Variants in TCF4 observed in about 807,000 individuals in gnomAD.
TCF4 encodes SL3-3 enhancer factor 2.
TCF4 carries 3 observed loss-of-function variants against 82.1 expected under a neutral mutation model. The observed-to-expected ratio is 0.04, with a 90% CI of 0.02 to 0.09. The LOEUF is 0.09. TCF4 is among the 10% of genes least tolerant of loss of function. The pLI is 1.00. For missense variants in TCF4, 518 were observed against 852.7 expected (o/e 0.61, Z 4.89); for synonymous variants, 276 against 309.6 (o/e 0.89, Z 1.14).
At chr18:55,562,396 T>C (rs1402556461) in intron 3 of TCF4, among the ~76,000 whole-genome samples, 6 of 152,256 alleles carry the variant, frequency 3.9e-5, no homozygotes, top group African/African-American at 1.4e-4. Context: ...AATATTAGCA[T>C]GAGGCTTTTT....
At chr18:55,470,222 C>T (rs1282703446) in intron 3 of TCF4, among the ~76,000 whole-genome samples, 3 of 152,182 alleles carry the variant, frequency 2.0e-5, no homozygotes, top group African/African-American at 4.8e-5. Context: ...AAATATCTAC[C>T]ATAGTCACCA....
chr18:55,242,745 G>C (rs1194943769), intron 15 of TCF4, among the ~76,000 whole-genome samples: 1 of 152,102 alleles, frequency 6.6e-6, no homozygotes, highest in African/African-American at 2.4e-5. Context: ...CAGTAGCTGG[G>C]ATTACAGGCG....
chr18:55,576,048 T>A (rs1190195123), intron 3 of TCF4, among the ~76,000 whole-genome samples: 1 of 152,172 alleles, frequency 6.6e-6, no homozygotes, highest in Non-Finnish European at 1.5e-5. Context: ...AATCTTAAAA[T>A]GTTTTAAATA....
intron 5 of TCF4, among the ~76,000 whole-genome samples, chr18:55,432,052 A>G (rs1263672250): frequency 2.0e-5 from 3 of 152,218 alleles, no homozygotes. Flanking sequence ...CTGTAATCCC[A>G]GCACTTTGGG....
intron 6 of TCF4, among the ~76,000 whole-genome samples, chr18:55,395,603 T>C (rs1208660037): frequency 6.6e-6 from 1 of 152,230 alleles, no homozygotes; most frequent in Non-Finnish European, 1.5e-5. Flanking sequence ...AATGCCATAA[T>C]CGAAAAATTA....
intron 3 of TCF4, among the ~76,000 whole-genome samples, chr18:55,530,167 C>A (rs1603619389): frequency 6.6e-6 from 1 of 152,172 alleles, no homozygotes; most frequent in Non-Finnish European, 1.5e-5. Context: ...AATTGAACGG[C>A]AATTGTGGAT....
At chr18:55,437,427 C>T (rs903106857) in intron 5 of TCF4, among the ~76,000 whole-genome samples, 9 of 151,966 alleles carry the variant, frequency 5.9e-5, no homozygotes, top group East Asian at 1.9e-4. Context: ...GAAATATGCA[C>T]GATTTTAACA....
chr18:55,368,720 G>T (rs558198131), intron 6 of TCF4, among the ~76,000 whole-genome samples: 1 of 152,224 alleles, frequency 6.6e-6, no homozygotes, highest in South Asian at 2.1e-4. Flanking sequence ...ACAGGAAAAT[G>T]GACCCAGTTT....
In TCF4 at chr18:55,634,055, G is replaced by C. The variant is rs1165519385; in HGVS notation, c.195+1648C>G. Among the ~76,000 whole-genome samples the C allele has an allele frequency of 2.0e-5, 3 of 152,298 alleles. No homozygotes were observed. In the East Asian group the frequency reaches 5.8e-4, roughly 29 times the overall value. On this transcript the variant is annotated intron_variant, in intron 1 of 20. Coordinates refer to the TCF4 transcript ENST00000398339. ...AGGCCAAGGCGGGCGGGTCACCTGA[G>C]GTCAGGAGTTCAAGACCAGCCTGGC...
At chr18:55,508,820 C>T (rs558084652) in intron 3 of TCF4, among the ~76,000 whole-genome samples, 10 of 152,174 alleles carry the variant, frequency 6.6e-5, no homozygotes, top group East Asian at 1.9e-4. Flanking sequence ...CCGCAATACA[C>T]GCTAAATGCT....
At chr18:55,584,617 T>A (rs1219246536) in intron 3 of TCF4, among the ~76,000 whole-genome samples, 1 of 152,156 alleles carries the variant, frequency 6.6e-6, no homozygotes, top group Non-Finnish European at 1.5e-5. Flanking sequence ...GCATCTTTTT[T>A]AAGCATCACC....
At chr18:55,464,964 A>T (rs2095978580) in intron 3 of TCF4, among the ~76,000 whole-genome samples, 2 of 152,232 alleles carry the variant, frequency 1.3e-5, no homozygotes, top group Non-Finnish European at 2.9e-5. Context: ...CGCAGGATGG[A>T]AAGTCTAACA....
chr18:55,586,091 C>G (rs2097642443), intron 2 of TCF4: 1 of 1,423,164 alleles, frequency 7.0e-7, no homozygotes. Context: ...CTTCCGAAAG[C>G]CATTTCTCCA....
At chr18:55,331,176 T>C (rs1386187201) in intron 8 of TCF4, among the ~76,000 whole-genome samples, 1 of 152,070 alleles carries the variant, frequency 6.6e-6, no homozygotes, top group African/African-American at 2.4e-5. Flanking sequence ...CTGTGGTCCC[T>C]GTGATTTTCA....
rs191161848 is a variant in TCF4 at position 55,234,963 on chromosome 18, C to T, written c.1351-280G>A. Among the ~76,000 whole-genome samples, 683 of 152,232 alleles carry T rather than the reference C, an allele frequency of 4.5e-3. 14 individuals carry two copies. Among genetic ancestry groups the T allele is most frequent in the Admixed American group, 0.027 (417 of 15,288 alleles). On this transcript the variant is annotated intron_variant, in intron 15 of 19. Transcript: ENST00000354452. Reference sequence around the variant, plus strand: ...CCTCCCAGGGTGCTGCAGTGGAGCGCACTGATTCGTACCCATCTGTCTTCT... The same window carrying T: ...CCTCCCAGGGTGCTGCAGTGGAGCGTACTGATTCGTACCCATCTGTCTTCT...
At chr18:55,630,591 T>C (rs769440491) in intron 2 of TCF4, among the ~76,000 whole-genome samples, 1 of 152,216 alleles carries the variant, frequency 6.6e-6, no homozygotes, top group Admixed American at 6.5e-5. Flanking sequence ...ATATGGCTCA[T>C]TTATTCATTC....
intron 2 of TCF4, among the ~76,000 whole-genome samples, chr18:55,612,064 C>T (rs1376852424): frequency 2.6e-5 from 4 of 152,192 alleles, no homozygotes; most frequent in South Asian, 4.1e-4. Flanking sequence ...AGCCACTGCA[C>T]CCGGCCAATG....
intron 2 of TCF4, among the ~76,000 whole-genome samples, chr18:55,626,193 A>T (rs1002095689): frequency 7.9e-5 from 12 of 152,236 alleles, no homozygotes; most frequent in Admixed American, 7.9e-4. Context: ...TCACATTTTC[A>T]TTAGAAATAG....
At chr18:55,415,723 G>A (rs2094503553) in intron 5 of TCF4, among the ~76,000 whole-genome samples, 1 of 152,124 alleles carries the variant, frequency 6.6e-6, no homozygotes, top group African/African-American at 2.4e-5. Context: ...ACAGAAGTGA[G>A]CTTCTGTCAG....
Sources: gnomAD v4.1 joint callset for allele counts (sites outside exome capture counted in the v4.1 genomes callset) on GRCh38, gnomAD v4.1.1 for gene constraint, MANE v1.5 for transcripts, NCBI Gene and HGNC (gene_info 2026-07-23, HGNC 2026-07-21) for gene names.